Variants in FCHSD2 observed in about 807,000 individuals in gnomAD.
FCHSD2 encodes F-BAR and double SH3 domains protein 2.
Under a neutral mutation model 108.1 loss-of-function variants are expected in FCHSD2, and 38 were observed. That is an observed-to-expected ratio of 0.35 (90% CI 0.27 to 0.46). The LOEUF is 0.46. Ranked by LOEUF, FCHSD2 falls within the 20% of genes least tolerant of loss-of-function variation. The pLI, the probability that FCHSD2 is intolerant of heterozygous loss-of-function variation, is 1.00. For synonymous variants in FCHSD2, 279 were observed against 314.7 expected (o/e 0.89, Z 1.20); for missense variants, 751 against 897.8 (o/e 0.84, Z 2.09).
chr11:72,983,712 T>G, intron 8 of FCHSD2: 1 of 361,116 alleles, frequency 2.8e-6, no homozygotes, highest in Non-Finnish European at 5.4e-6. Flanking sequence ...CTGCCTAGCT[T>G]CAATAATTTA....
chr11:72,906,032 T>G (rs1855622578), intron 9 of FCHSD2, among the ~76,000 whole-genome samples: 1 of 152,228 alleles, frequency 6.6e-6, no homozygotes, highest in Admixed American at 6.5e-5. Flanking sequence ...CCACAATGGT[T>G]GAACTAATTT....
chr11:73,061,201 C>T (rs1188042902), intron 3 of FCHSD2, among the ~76,000 whole-genome samples: 1 of 152,136 alleles, frequency 6.6e-6, no homozygotes. Flanking sequence ...ACCTGGGAAG[C>T]ACAAAGGGTC....
chr11:73,099,555 CA>C (rs1438918429), intron 2 of FCHSD2, among the ~76,000 whole-genome samples: 1 of 152,176 alleles, frequency 6.6e-6, no homozygotes, highest in Non-Finnish European at 1.5e-5. Flanking sequence ...ACCAAATGTC[CA>C]TCAACTGATG....
At chr11:72,961,955 T>A (rs1856826064) in intron 8 of FCHSD2, among the ~76,000 whole-genome samples, 1 of 152,182 alleles carries the variant, frequency 6.6e-6, no homozygotes. Flanking sequence ...ATTTGTTTCA[T>A]CTCTGCATCC....
In FCHSD2 at chr11:72,994,204, T is replaced by C. The variant is rs576346878; in HGVS notation, c.388-5107A>G. On this transcript the variant is annotated intron_variant, in intron 5 of 19. Coordinates refer to ENST00000409418, the MANE Select transcript of FCHSD2 (RefSeq NM_014824.3). ...TGCTAGATGCTTCCCTACTGGCAAA[T>C]TGTGTTTCCTGTACTCTGTCCTTCT... 2.3e-4 allele frequency among the ~76,000 whole-genome samples: 35 copies of C among 152,260 alleles called. No individual in the cohort carries two copies. The South Asian group carries it at 5.0e-3, about 22-fold the overall frequency.
At chr11:72,916,042 T>C (rs1033825671) in intron 9 of FCHSD2, among the ~76,000 whole-genome samples, 11 of 151,784 alleles carry the variant, frequency 7.2e-5, no homozygotes, top group African/African-American at 2.7e-4. Flanking sequence ...CAACGCACAC[T>C]AGGGCCTACC....
chr11:73,031,998 C>T (rs1410742407), intron 3 of FCHSD2, among the ~76,000 whole-genome samples: 1 of 152,008 alleles, frequency 6.6e-6, no homozygotes, highest in Non-Finnish European at 1.5e-5. Flanking sequence ...GAACTATTAA[C>T]TAAATTATGG....
intron 3 of FCHSD2, among the ~76,000 whole-genome samples, chr11:73,028,516 A>T (rs1853809921): frequency 6.6e-6 from 1 of 152,178 alleles, no homozygotes; most frequent in Admixed American, 6.5e-5. Flanking sequence ...GGCAGAAGGG[A>T]CTTCCTTGTC....
chr11:72,854,148 C>G (rs1167635075), intron 13 of FCHSD2, among the ~76,000 whole-genome samples: 1 of 152,148 alleles, frequency 6.6e-6, no homozygotes, highest in Non-Finnish European at 1.5e-5. Flanking sequence ...AATGGTACAG[C>G]TGCTATGGAA....
intron 19 of FCHSD2, 137 bp from the exon 20 acceptor site, chr11:72,839,011 C>G: frequency 1.5e-6 from 1 of 672,600 alleles, no homozygotes. Context: ...CACGTGCTTT[C>G]AACCTAGTCT....
intron 12 of FCHSD2, among the ~76,000 whole-genome samples, chr11:72,879,145 A>G (rs1000786065): frequency 1.3e-5 from 2 of 152,080 alleles, no homozygotes; most frequent in African/African-American, 4.8e-5. Flanking sequence ...AAAAAAAAAG[A>G]TATTACAACT....
At position 73,044,241 on chromosome 11, in the gene FCHSD2, A is replaced by G. The variant is rs529736368; in HGVS notation, c.166-28356T>C. Reference sequence around the variant, plus strand: ...AAATTCTATGATTATTGCCTCACTTATTAACGCTGAATTCCTCAATTAAAA... The same window carrying G: ...AAATTCTATGATTATTGCCTCACTTGTTAACGCTGAATTCCTCAATTAAAA... On this transcript the variant is annotated intron_variant, in intron 3 of 19. Transcript: ENST00000409418. 2.0e-4 allele frequency among the ~76,000 whole-genome samples: 30 copies of G among 152,296 alleles called. 1 individual carries two copies. In the East Asian group the frequency reaches 5.8e-3, roughly 29 times the overall value.
chr11:73,051,856 A>C (rs369316091), intron 3 of FCHSD2, among the ~76,000 whole-genome samples: 13 of 146,108 alleles, frequency 8.9e-5, no homozygotes, highest in African/African-American at 3.1e-4. Flanking sequence ...CAGGATGCTA[A>C]CACGGTATAT....
intron 2 of FCHSD2, among the ~76,000 whole-genome samples, chr11:73,120,601 T>C (rs1020220948): frequency 6.6e-6 from 1 of 152,006 alleles, no homozygotes; most frequent in East Asian, 1.9e-4. Flanking sequence ...TGGTGGTGCA[T>C]GCCTATAATC....
chr11:73,022,321 G>A (rs575372641), intron 3 of FCHSD2, among the ~76,000 whole-genome samples: 1 of 152,192 alleles, frequency 6.6e-6, no homozygotes, highest in East Asian at 1.9e-4. Flanking sequence ...AAGAAATAAA[G>A]CTATCTTTAT....
intron 2 of FCHSD2, 27 bp downstream of exon 2, chr11:73,140,004 T>A: frequency 7.9e-7 from 1 of 1,265,950 alleles, no homozygotes; most frequent in Non-Finnish European, 1.1e-6. Context: ...CAAACAGAAG[T>A]CCTTGAACTA....
At chr11:72,911,801 C>T (rs970651049) in intron 9 of FCHSD2, among the ~76,000 whole-genome samples, 2 of 152,120 alleles carry the variant, frequency 1.3e-5, no homozygotes, top group Non-Finnish European at 2.9e-5. Context: ...ACTGCAACCT[C>T]CATCTCTTGA....
intron 12 of FCHSD2, among the ~76,000 whole-genome samples, chr11:72,881,859 G>T (rs947764952): frequency 6.6e-6 from 1 of 152,120 alleles, no homozygotes; most frequent in Admixed American, 6.5e-5. Context: ...GTAGAGGCTG[G>T]GGCCGGGTGC....
At chr11:72,852,897 C>A (rs1861328147) in intron 13 of FCHSD2, among the ~76,000 whole-genome samples, 1 of 152,008 alleles carries the variant, frequency 6.6e-6, no homozygotes, top group African/African-American at 2.4e-5. Context: ...GAAGAGAAAA[C>A]CAAATACTGC....
Sources: gnomAD v4.1 joint callset for allele counts (sites outside exome capture counted in the v4.1 genomes callset) on GRCh38, gnomAD v4.1.1 for gene constraint, MANE v1.5 for transcripts, NCBI Gene and HGNC (gene_info 2026-07-23, HGNC 2026-07-21) for gene names.